The following FOXO3 variants were observed in gnomAD, a reference collection of about 807,000 sequenced individuals.
The protein encoded by FOXO3 is forkhead box O3.
Under a neutral mutation model 41.9 loss-of-function variants are expected in FOXO3, and 4 were observed. The observed-to-expected ratio is 0.10, with a 90% CI of 0.05 to 0.22. The LOEUF (loss-of-function observed/expected upper bound fraction) is 0.22, where lower values mean the gene tolerates loss of function less well. Ranked by LOEUF, FOXO3 falls within the 10% of genes least tolerant of loss-of-function variation. FOXO3 has a pLI of 1.00. For synonymous variants in FOXO3, 318 were observed against 389.3 expected (o/e 0.82, Z 2.16); for missense variants, 534 against 906.8 (o/e 0.59, Z 5.28).
At chr6:108,590,424 G>A (rs1470693213) in intron 1 of FOXO3, among the ~76,000 whole-genome samples, 1 of 152,218 alleles carries the variant, frequency 6.6e-6, no homozygotes. Flanking sequence ...CCAATCTCAT[G>A]TAAGGGGTTG....
At chr6:108,590,274 C>T (rs1313920423) in intron 1 of FOXO3, among the ~76,000 whole-genome samples, 1 of 151,952 alleles carries the variant, frequency 6.6e-6, no homozygotes, top group Non-Finnish European at 1.5e-5. Flanking sequence ...CAAGCGTGAG[C>T]CACCACACCC....
chr6:108,669,342 C>G (rs1310245396), intron 2 of FOXO3, among the ~76,000 whole-genome samples: 3 of 152,072 alleles, frequency 2.0e-5, no homozygotes, highest in African/African-American at 7.2e-5. Context: ...TGCTGTGATT[C>G]TAGTATGTCT....
At chr6:108,627,661 C>T (rs1212490832) in intron 1 of FOXO3, among the ~76,000 whole-genome samples, 1 of 151,644 alleles carries the variant, frequency 6.6e-6, no homozygotes, top group Non-Finnish European at 1.5e-5. Context: ...TCTTGGGGCA[C>T]ACATAAAATA....
intron 1 of FOXO3, among the ~76,000 whole-genome samples, chr6:108,601,635 A>G (rs750145239): frequency 1.3e-5 from 2 of 152,054 alleles, no homozygotes; most frequent in African/African-American, 4.8e-5. Context: ...AGCAACAGCT[A>G]CCTCCTTTCC....
Position 108,673,757 on chromosome 6 carries a change from G to A in FOXO3, c.*35-6070G>A, listed in dbSNP as rs113320141. On this transcript the variant is annotated intron_variant, in intron 2 of 2. Transcript: ENST00000406360. ...CACTCCTATCATTCATCCCTGCCCCGCCCCCCACATACACACACCCCAGTA... is the reference window on the plus strand; with the variant it reads ...CACTCCTATCATTCATCCCTGCCCCACCCCCCACATACACACACCCCAGTA... Among the ~76,000 whole-genome samples, 491 of 151,940 alleles carry A rather than the reference G, an allele frequency of 3.2e-3. 1 individual carries two copies. Among genetic ancestry groups the A allele is most frequent in the South Asian group, 8.5e-3 (41 of 4,808 alleles).
At chr6:108,573,276 G>A (rs1776160027) in intron 1 of FOXO3, among the ~76,000 whole-genome samples, 1 of 150,758 alleles carries the variant, frequency 6.6e-6, no homozygotes, top group African/African-American at 2.4e-5. Flanking sequence ...GACAGAGAGA[G>A]ACTCTGTCTC....
intron 1 of FOXO3, among the ~76,000 whole-genome samples, chr6:108,602,630 T>G (rs563765878): frequency 6.6e-6 from 1 of 151,952 alleles, no homozygotes; most frequent in Non-Finnish European, 1.5e-5. Flanking sequence ...AAGTGTGCTG[T>G]CATAAGCAAT....
chr6:108,653,190 C>T (rs1463871108), intron 1 of FOXO3, among the ~76,000 whole-genome samples: 1 of 152,196 alleles, frequency 6.6e-6, no homozygotes, highest in Non-Finnish European at 1.5e-5. Context: ...TCTTTGGTCT[C>T]AATGTTTTAT....
At chr6:108,560,869 C>G, upstream of FOXO3, 1 of 873,538 alleles carries the variant, frequency 1.1e-6, no homozygotes. Flanking sequence ...CTGCCCCGCG[C>G]GAGGCCGTCG....
chr6:108,617,190 G>A (rs1777539502), intron 1 of FOXO3, among the ~76,000 whole-genome samples: 1 of 152,138 alleles, frequency 6.6e-6, no homozygotes, highest in Non-Finnish European at 1.5e-5. Flanking sequence ...AACCTTTTGA[G>A]GAACTGCCAA....
Position 108,680,312 on chromosome 6 carries a change from G to A in FOXO3, c.*520G>A, listed in dbSNP as rs916885622. 3 of 152,570 alleles carry A rather than the reference G, an allele frequency of 2.0e-5. No individual in the cohort carries two copies. The highest frequency in any genetic ancestry group is 1.5e-5 in the Non-Finnish European group (1 of 68,016). 9.5% of individuals were successfully genotyped at this position (152,570 alleles called of 1,614,324 possible). ...AAATGTTGTACCAGTTACCATTCCG[G>A]GTTCGAGCATCACAAGCTTTTGAGC... On this transcript the variant is annotated 3_prime_UTR_variant, in exon 3 of 3. Transcript: ENST00000406360.
At chr6:108,567,244 A>G (rs1465543910) in intron 1 of FOXO3, among the ~76,000 whole-genome samples, 1 of 152,206 alleles carries the variant, frequency 6.6e-6, no homozygotes, top group South Asian at 2.1e-4. Context: ...GCTAGCCTTT[A>G]ACTCTCTGCA....
At chr6:108,570,571 T>A (rs1776071168) in intron 1 of FOXO3, among the ~76,000 whole-genome samples, 2 of 152,106 alleles carry the variant, frequency 1.3e-5, no homozygotes, top group Admixed American at 1.3e-4. Flanking sequence ...CAAGCGATCC[T>A]CTTACTTGGG....
intron 1 of FOXO3, among the ~76,000 whole-genome samples, chr6:108,577,235 T>C (rs1382491812): frequency 6.6e-6 from 1 of 152,200 alleles, no homozygotes; most frequent in Non-Finnish European, 1.5e-5. Flanking sequence ...TAAGAGGGTT[T>C]CCTGGCATGT....
At chr6:108,617,850 A>T (rs529168191) in intron 1 of FOXO3, 2 of 312,798 alleles carry the variant, frequency 6.4e-6, no homozygotes, top group East Asian at 1.6e-4. Flanking sequence ...TATGTACAGT[A>T]AAAGAATGGA....
intron 1 of FOXO3, among the ~76,000 whole-genome samples, chr6:108,595,141 G>A (rs988726613): frequency 1.3e-5 from 2 of 152,078 alleles, no homozygotes; most frequent in African/African-American, 4.8e-5. Context: ...ACAAGCAGCT[G>A]GATTTTGCAA....
intron 1 of FOXO3, among the ~76,000 whole-genome samples, chr6:108,628,866 G>C (rs1368610660): frequency 3.3e-5 from 5 of 152,162 alleles, no homozygotes; most frequent in African/African-American, 9.6e-5. Flanking sequence ...ATAAGTTCTT[G>C]GTGGTCTCCT....
At chr6:108,626,298 CA>C (rs1562249229) in intron 1 of FOXO3, among the ~76,000 whole-genome samples, 1 of 152,184 alleles carries the variant, frequency 6.6e-6, no homozygotes, top group Non-Finnish European at 1.5e-5. Flanking sequence ...CTGCCGGACT[CA>C]GAGTTGAGGG....
chr6:108,561,573 G>T lies in FOXO3; in HGVS notation c.365G>T (p.Gly122Val), dbSNP rs1363188716. 2.7e-6 allele frequency: 4 copies of T among 1,482,668 alleles called. No homozygotes were observed. The highest frequency in any genetic ancestry group is 4.6e-5 in the Admixed American group (2 of 43,812). The allele number at this position is 1,482,668 out of a possible 1,614,324, so 91.8% of individuals were successfully genotyped here. The change falls in exon 1 of 3, where the codon GGT (glycine) becomes GTT (valine). Residue 122 changes from glycine (G) to valine (V), a missense_variant. Physicochemically the swap from Gly to Val is moderately radical, Grantham distance 109 (BLOSUM62 -3). Coordinates refer to ENST00000406360, the MANE Select transcript of FOXO3 (RefSeq NM_001455.4). ...PATAAGGLSG[G>V]TQALLQPQQP... ...ACCGCGGCGGGCGGGCTGAGCGGGGGTACACAGGCGCTGCTGCAGCCTCAG... is the reference window on the plus strand; with the variant it reads ...ACCGCGGCGGGCGGGCTGAGCGGGGTTACACAGGCGCTGCTGCAGCCTCAG...
Sources: gnomAD v4.1 joint callset for allele counts (sites outside exome capture counted in the v4.1 genomes callset) on GRCh38, gnomAD v4.1.1 for gene constraint, MANE v1.5 for transcripts, NCBI Gene and HGNC (gene_info 2026-07-23, HGNC 2026-07-21) for gene names.